Variants in PAPPA2 observed in about 807,000 individuals in gnomAD.
PAPPA2 encodes the protein pappalysin 2, also known as pappalysin-2.
In PAPPA2, 86 loss-of-function variants were observed where a neutral mutation model predicts 176.4. The ratio of observed to expected loss-of-function variants is 0.49; its 90% confidence interval spans 0.41 to 0.58. The LOEUF is 0.58. Ranked by LOEUF, PAPPA2 falls within the 20% of genes least tolerant of loss-of-function variation. The pLI, the probability that PAPPA2 is intolerant of heterozygous loss-of-function variation, is 0.00. For missense variants in PAPPA2, 2,073 were observed against 2,256.9 expected (o/e 0.92, Z 1.65); for synonymous variants, 809 against 852.2 (o/e 0.95, Z 0.88).
chr1:176,761,823 C>A (rs1466478257), intron 14 of PAPPA2, among the ~76,000 whole-genome samples: 2 of 152,234 alleles, frequency 1.3e-5, no homozygotes, highest in Admixed American at 6.5e-5. Context: ...AGATAAATAC[C>A]TAACTTCCCA....
At chr1:176,660,135 A>G (rs1357382735) in intron 3 of PAPPA2, among the ~76,000 whole-genome samples, 1 of 152,104 alleles carries the variant, frequency 6.6e-6, no homozygotes, top group Non-Finnish European at 1.5e-5. Context: ...ATGTCCTTAA[A>G]GAAGGATAGC....
At chr1:176,532,512 C>A (rs887766273) in intron 1 of PAPPA2, among the ~76,000 whole-genome samples, 1 of 152,186 alleles carries the variant, frequency 6.6e-6, no homozygotes, top group Non-Finnish European at 1.5e-5. Context: ...AAAAAGGCAC[C>A]TGCTTAAACA....
intron 3 of PAPPA2, among the ~76,000 whole-genome samples, chr1:176,638,939 C>CCTGT (rs1553379103): frequency 7.0e-6 from 1 of 143,030 alleles, no homozygotes; most frequent in Non-Finnish European, 1.5e-5. Context: ...TGTGCATGTG[C>CCTGT]GTGTGTGTGT....
At chr1:176,546,411 G>C in intron 1 of PAPPA2, among the ~76,000 whole-genome samples, 1 of 152,150 alleles carries the variant, frequency 6.6e-6, no homozygotes, top group East Asian at 1.9e-4. Flanking sequence ...TCCTGGATAA[G>C]AGAGTAGTTC....
In PAPPA2 at chr1:176,556,500, A is replaced by T; in HGVS notation, c.178A>T (p.Arg60Ter). 6.2e-7 allele frequency: 1 copy of T among 1,614,230 alleles called. No homozygotes were observed. The highest frequency in any genetic ancestry group is 8.5e-7 in the Non-Finnish European group (1 of 1,180,042). Residue 60 changes from arginine to a stop codon, truncating the protein, a stop_gained, in exon 2 of 23, where the codon AGA becomes TGA. Coordinates refer to ENST00000367662, the MANE Select transcript of PAPPA2 (RefSeq NM_020318.3). LOFTEE classifies it high-confidence loss of function. The stretch of plus-strand genomic sequence containing the variant: ...GCTGGGGGCCAAGGTTCGAAGACCC[A>T]GAGCTTCTCCACAGCATCACCTCTT... ...CWLGAKVRRP[R>*]ASPQHHLFGV...
chr1:176,506,101 G>A (rs1200171735), intron 1 of PAPPA2, among the ~76,000 whole-genome samples: 3 of 152,016 alleles, frequency 2.0e-5, no homozygotes, highest in Non-Finnish European at 4.4e-5. Context: ...ATTGAATAAG[G>A]AGTCCCTTCT....
rs188699577 is a variant in PAPPA2 at position 176,679,966 on chromosome 1, T to G, written c.2137+8851T>G. Among the ~76,000 whole-genome samples the G allele has an allele frequency of 1.3e-3, 196 of 152,302 alleles. 1 individual carries two copies. The highest frequency in any genetic ancestry group is 4.3e-3 in the African/African-American group (178 of 41,556). On this transcript the variant is annotated intron_variant, in intron 4 of 22. Coordinates refer to ENST00000367662, the MANE Select transcript of PAPPA2 (RefSeq NM_020318.3). The stretch of plus-strand genomic sequence containing the variant: ...GGACTCCATAGATTTGTGTGGATTT[T>G]CTCACTTGGAAAGAGATTATGTGGC...
chr1:176,709,204 A>T (rs1170380086), intron 10 of PAPPA2, among the ~76,000 whole-genome samples: 1 of 152,150 alleles, frequency 6.6e-6, no homozygotes, highest in East Asian at 1.9e-4. Flanking sequence ...GCTTTTGAAG[A>T]CAGCCCCTCT....
chr1:176,565,654 C>T, intron 2 of PAPPA2, among the ~76,000 whole-genome samples: 1 of 152,164 alleles, frequency 6.6e-6, no homozygotes, highest in East Asian at 1.9e-4. Context: ...CATGACTGTG[C>T]CGCTGCACTC....
intron 3 of PAPPA2, among the ~76,000 whole-genome samples, chr1:176,606,381 AT>A (rs1382277284): frequency 1.3e-5 from 2 of 152,216 alleles, no homozygotes; most frequent in Non-Finnish European, 1.5e-5. Flanking sequence ...TGTAATGATT[AT>A]TTCAGAGAAT....
At chr1:176,681,369 G>T (rs2102790752) in intron 4 of PAPPA2, among the ~76,000 whole-genome samples, 1 of 152,314 alleles carries the variant, frequency 6.6e-6, no homozygotes, top group Non-Finnish European at 1.5e-5. Flanking sequence ...CATGCGACTT[G>T]AGGACCCTGT....
chr1:176,552,003 C>T (rs1049492387), intron 1 of PAPPA2, among the ~76,000 whole-genome samples: 6 of 152,068 alleles, frequency 3.9e-5, no homozygotes, highest in Admixed American at 6.5e-5. Context: ...TTTTGTAAAA[C>T]GTGTCCAGTC....
intron 17 of PAPPA2, among the ~76,000 whole-genome samples, chr1:176,774,479 C>A (rs1664365655): frequency 1.3e-5 from 2 of 152,134 alleles, no homozygotes; most frequent in Admixed American, 1.3e-4. Flanking sequence ...GCCTGCACAT[C>A]ACCTGAGACT....
chr1:176,598,318 T>C (rs1447802002), intron 3 of PAPPA2, among the ~76,000 whole-genome samples: 10 of 152,162 alleles, frequency 6.6e-5, no homozygotes, highest in African/African-American at 9.7e-5. Flanking sequence ...ATATTTATAT[T>C]GCTTGGTTCA....
At chr1:176,823,952 C>A (rs1666762964) in intron 21 of PAPPA2, among the ~76,000 whole-genome samples, 1 of 152,074 alleles carries the variant, frequency 6.6e-6, no homozygotes, top group Non-Finnish European at 1.5e-5. Flanking sequence ...TGTAACAGCC[C>A]CCTCACCAAA....
intron 14 of PAPPA2, among the ~76,000 whole-genome samples, chr1:176,748,891 T>C (rs902531935): frequency 6.6e-6 from 1 of 152,182 alleles, no homozygotes; most frequent in Non-Finnish European, 1.5e-5. Flanking sequence ...CTCTTTGATA[T>C]TTGCACAATA....
intron 2 of PAPPA2, among the ~76,000 whole-genome samples, chr1:176,559,027 T>C (rs1171568200): frequency 1.3e-5 from 2 of 152,176 alleles, no homozygotes; most frequent in East Asian, 3.8e-4. Context: ...AGCAGTGTCA[T>C]GATTTGATTC....
intron 1 of PAPPA2, among the ~76,000 whole-genome samples, chr1:176,537,747 T>TGC (rs1650145109): frequency 2.0e-5 from 3 of 151,744 alleles, no homozygotes; most frequent in Admixed American, 6.6e-5. Flanking sequence ...TGTGTGTGTG[T>TGC]GTGTGTGTAT....
At chr1:176,629,911 T>C (rs1160672207) in intron 3 of PAPPA2, among the ~76,000 whole-genome samples, 1 of 152,040 alleles carries the variant, frequency 6.6e-6, no homozygotes, top group Non-Finnish European at 1.5e-5. Context: ...AAATGTAAGA[T>C]GTAAGGGTGT....
Sources: allele counts gnomAD v4.1 joint callset (sites outside exome capture counted in the v4.1 genomes callset), GRCh38; gene constraint gnomAD v4.1.1; transcripts MANE v1.5; gene names NCBI Gene and HGNC (gene_info 2026-07-23, HGNC 2026-07-21).